The following CCDC91 variants were observed in gnomAD, a reference collection of about 807,000 sequenced individuals.
CCDC91 encodes the protein coiled-coil domain containing 91.
Under a neutral mutation model 63.2 loss-of-function variants are expected in CCDC91, and 48 were observed. That is an observed-to-expected ratio of 0.76 (90% CI 0.60 to 0.97). The LOEUF (loss-of-function observed/expected upper bound fraction) is 0.97, where lower values mean the gene tolerates loss of function less well. CCDC91 is among the 50% of genes least tolerant of loss of function. The probability of loss-of-function intolerance (pLI) is 0.00; values close to 1 mark genes in which losing one functional copy is unlikely to be tolerated. For synonymous variants in CCDC91, 167 were observed against 165.8 expected (o/e 1.01, Z -0.06); for missense variants, 500 against 494.6 (o/e 1.01, Z -0.10).
intron 3 of CCDC91, among the ~76,000 whole-genome samples, chr12:28,299,072 A>T (rs1405649903): frequency 6.6e-6 from 1 of 151,568 alleles, no homozygotes; most frequent in East Asian, 1.9e-4. Flanking sequence ...GTCTTTCTTT[A>T]TTTAGCAGTT....
chr12:28,299,564 G>A (rs11049515), intron 3 of CCDC91, among the ~76,000 whole-genome samples: 30,658 of 151,392 alleles, frequency 0.2, 4,003 homozygotes, highest in Non-Finnish European at 0.3. Flanking sequence ...TATGTGAAAC[G>A]TTAACATGGT....
intron 3 of CCDC91, among the ~76,000 whole-genome samples, chr12:28,278,838 C>G (rs1948414032): frequency 1.3e-5 from 2 of 152,102 alleles, no homozygotes; most frequent in South Asian, 4.1e-4. Context: ...CTTAATTAGC[C>G]TTTCAAGTAC....
chr12:28,209,517 G>A (rs11524516), intron 1 of CCDC91, among the ~76,000 whole-genome samples: 28,683 of 149,170 alleles, frequency 0.19, 3,543 homozygotes, highest in Non-Finnish European at 0.29. Context: ...CTGCAACCTC[G>A]GCCCCTGGGT....
chr12:28,465,442 T>C (rs557097229), intron 11 of CCDC91, among the ~76,000 whole-genome samples: 8 of 152,248 alleles, frequency 5.3e-5, no homozygotes, highest in African/African-American at 1.9e-4. Flanking sequence ...GTCCTAGGGG[T>C]GGTGGCCCCA....
At chr12:28,295,608 C>T (rs543921492) in intron 3 of CCDC91, among the ~76,000 whole-genome samples, 47 of 152,038 alleles carry the variant, frequency 3.1e-4, no homozygotes, top group Non-Finnish European at 4.9e-4. Context: ...CTGTATCTTA[C>T]ATTACATAGT....
chr12:28,447,162 A>G (rs1340560591), intron 8 of CCDC91, among the ~76,000 whole-genome samples: 2 of 152,174 alleles, frequency 1.3e-5, no homozygotes, highest in African/African-American at 2.4e-5. Flanking sequence ...ACAAAGATGC[A>G]TGCATAAAAA....
chr12:28,208,898 T>G (rs995883347), intron 1 of CCDC91, among the ~76,000 whole-genome samples: 31 of 152,152 alleles, frequency 2.0e-4, no homozygotes, highest in Admixed American at 2.0e-3. Context: ...CCTCCCGGGT[T>G]CACGCCATTC....
chr12:28,309,661 AGATAAAT>A (rs1445826432), intron 6 of CCDC91, among the ~76,000 whole-genome samples: 1 of 152,114 alleles, frequency 6.6e-6, no homozygotes, highest in Non-Finnish European at 1.5e-5. Flanking sequence ...TTCAGTCTTA[AGATAAAT>A]GATTAATTCA....
At chr12:28,382,349 A>C (rs1945345403) in intron 7 of CCDC91, among the ~76,000 whole-genome samples, 1 of 151,912 alleles carries the variant, frequency 6.6e-6, no homozygotes, top group Non-Finnish European at 1.5e-5. Context: ...TAATTAAAAC[A>C]ATAATGTTGA....
At chr12:28,218,325 G>A (rs1386202546) in intron 1 of CCDC91, among the ~76,000 whole-genome samples, 1 of 152,024 alleles carries the variant, frequency 6.6e-6, no homozygotes, top group Admixed American at 6.6e-5. Context: ...CAAGCATAGA[G>A]GCTGTGATAA....
At chr12:28,491,717 T>G (rs1489873418) in intron 12 of CCDC91, among the ~76,000 whole-genome samples, 1 of 151,952 alleles carries the variant, frequency 6.6e-6, no homozygotes, top group East Asian at 1.9e-4. Flanking sequence ...GTCTATTTTC[T>G]AGATTCTTGA....
intron 8 of CCDC91, among the ~76,000 whole-genome samples, chr12:28,425,969 G>A (rs974531041): frequency 2.6e-5 from 4 of 152,108 alleles, no homozygotes; most frequent in African/African-American, 4.8e-5. Flanking sequence ...ATCATATATC[G>A]TGTTGCTGTA....
chr12:28,205,098 T>C (rs756009259), intron 1 of CCDC91, among the ~76,000 whole-genome samples: 3 of 152,122 alleles, frequency 2.0e-5, no homozygotes, highest in Non-Finnish European at 4.4e-5. Flanking sequence ...CGGCTAGTCT[T>C]CATAATGGTG....
At chr12:28,345,982 T>A (rs1200203767) in intron 6 of CCDC91, among the ~76,000 whole-genome samples, 4 of 152,178 alleles carry the variant, frequency 2.6e-5, no homozygotes, top group African/African-American at 7.2e-5. Flanking sequence ...ATGAATATTG[T>A]CTTTTATGCA....
chr12:28,337,447 T>C (rs1350236245), intron 6 of CCDC91, among the ~76,000 whole-genome samples: 1 of 152,124 alleles, frequency 6.6e-6, no homozygotes, highest in African/African-American at 2.4e-5. Context: ...GTTTTTTATC[T>C]AGATCATTGT....
chr12:28,328,627 AG>A (rs1375137648), intron 6 of CCDC91, among the ~76,000 whole-genome samples: 1 of 152,186 alleles, frequency 6.6e-6, no homozygotes, highest in Non-Finnish European at 1.5e-5. Flanking sequence ...TGTGCTTAAA[AG>A]CAGTAGAATT....
At chr12:28,547,670 T>G (rs1943082616) in intron 12 of CCDC91, among the ~76,000 whole-genome samples, 1 of 152,164 alleles carries the variant, frequency 6.6e-6, no homozygotes, top group Non-Finnish European at 1.5e-5. Flanking sequence ...GCAGAAATCT[T>G]ACTTCTGTAT....
intron 11 of CCDC91, among the ~76,000 whole-genome samples, chr12:28,462,802 A>T (rs1015816978): frequency 1.3e-5 from 2 of 152,148 alleles, no homozygotes; most frequent in African/African-American, 4.8e-5. Flanking sequence ...TGAGAGTGAT[A>T]AAATATAAGA....
chr12:28,431,850 T>C (rs1948644552), intron 8 of CCDC91, among the ~76,000 whole-genome samples: 1 of 152,054 alleles, frequency 6.6e-6, no homozygotes, highest in Admixed American at 6.6e-5. Flanking sequence ...TGATACAAAA[T>C]AGTTTCACTG....
Sources: allele counts gnomAD v4.1 joint callset (sites outside exome capture counted in the v4.1 genomes callset), GRCh38; gene constraint gnomAD v4.1.1; transcripts MANE v1.5; gene names NCBI Gene and HGNC (gene_info 2026-07-23, HGNC 2026-07-21).